The following ISX variants were observed in gnomAD, a reference collection of about 807,000 sequenced individuals.
The protein encoded by ISX is intestine specific homeobox.
A neutral mutation model predicts 16.9 loss-of-function variants in ISX; 15 were observed. The ratio of observed to expected loss-of-function variants is 0.89; its 90% CI spans 0.59 to 1.36. The LOEUF is 1.36. ISX is among the 40% of genes most tolerant of loss of function. ISX has a pLI of 0.00. For synonymous variants in ISX, 125 were observed against 119.7 expected (o/e 1.04, Z -0.29); for missense variants, 316 against 306.1 (o/e 1.03, Z -0.24).
At chr22:35,066,586 A>T (rs893401902) in intron 1 of ISX, 124 bp downstream of exon 1, 1 of 161,466 alleles carries the variant, frequency 6.2e-6, no homozygotes, top group Non-Finnish European at 1.4e-5. Flanking sequence ...GTGGCACTCC[A>T]ACCTCCTCCT....
intron 3 of ISX, among the ~76,000 whole-genome samples, chr22:35,083,059 A>G (rs756016418): frequency 7.9e-5 from 12 of 152,252 alleles, no homozygotes; most frequent in Non-Finnish European, 1.5e-4. Context: ...TTTGCAGGGT[A>G]TATCGTCAGT....
At chr22:35,067,712 A>G (rs555252318) in intron 2 of ISX, among the ~76,000 whole-genome samples, 6 of 152,324 alleles carry the variant, frequency 3.9e-5, no homozygotes, top group African/African-American at 1.2e-4. Context: ...AATGTCCCCA[A>G]GTTACACAGC....
intron 2 of ISX, among the ~76,000 whole-genome samples, chr22:35,068,038 G>A (rs911807877): frequency 2.0e-5 from 3 of 152,244 alleles, no homozygotes; most frequent in Non-Finnish European, 4.4e-5. Flanking sequence ...AGGAACCCAG[G>A]ATGTGAGTCT....
chr22:35,076,087 G>A (rs4821357), intron 2 of ISX, among the ~76,000 whole-genome samples: 63,217 of 150,086 alleles, frequency 0.42, 14,047 homozygotes, highest in Non-Finnish European at 0.51. Flanking sequence ...CTGAAATTTC[G>A]CACTCTTAAA....
At chr22:35,076,350 G>A (rs934224876) in intron 2 of ISX, among the ~76,000 whole-genome samples, 10 of 152,216 alleles carry the variant, frequency 6.6e-5, no homozygotes, top group Admixed American at 2.0e-4. Context: ...GAAAGCAGAT[G>A]ATGCTAGAAA....
chr22:35,077,787 C>T (rs1334454152), intron 2 of ISX, among the ~76,000 whole-genome samples: 1 of 152,174 alleles, frequency 6.6e-6, no homozygotes, highest in Non-Finnish European at 1.5e-5. Flanking sequence ...GAGTTTAGAT[C>T]CTTTCCTTCT....
At chr22:35,080,668 G>A (rs981636616) in intron 2 of ISX, among the ~76,000 whole-genome samples, 2 of 152,138 alleles carry the variant, frequency 1.3e-5, no homozygotes, top group African/African-American at 4.8e-5. Context: ...CCACTAGAGG[G>A]GTTTGATTCT....
At chr22:35,084,928 A>G (rs898199612) in intron 4 of ISX, among the ~76,000 whole-genome samples, 4 of 152,110 alleles carry the variant, frequency 2.6e-5, no homozygotes, top group Non-Finnish European at 5.9e-5. Context: ...AGGATGAAAT[A>G]ACTGAGATGT....
At chr22:35,076,100 A>T (rs913886681) in intron 2 of ISX, among the ~76,000 whole-genome samples, 3 of 42,328 alleles carry the variant, frequency 7.1e-5, no homozygotes, top group South Asian at 4.1e-4. Context: ...CTCTTAAATT[A>T]AAAAAAAAAA....
intron 3 of ISX, among the ~76,000 whole-genome samples, chr22:35,083,844 G>A (rs1283697242): frequency 1.3e-5 from 2 of 152,186 alleles, no homozygotes; most frequent in Non-Finnish European, 2.9e-5. Context: ...AAGGATAAAT[G>A]GCCACAAGTC....
At chr22:35,079,183 C>G (rs1379550075) in intron 2 of ISX, among the ~76,000 whole-genome samples, 1 of 152,184 alleles carries the variant, frequency 6.6e-6, no homozygotes, top group East Asian at 1.9e-4. Flanking sequence ...AGTGTCTACT[C>G]CAATTCTTAG....
chr22:35,073,970 G>A (rs1928919272), intron 2 of ISX, among the ~76,000 whole-genome samples: 1 of 152,200 alleles, frequency 6.6e-6, no homozygotes, highest in African/African-American at 2.4e-5. Flanking sequence ...AAAATGGAGA[G>A]GGACATGTAT....
At chr22:35,080,555 C>A (rs993550896) in intron 2 of ISX, among the ~76,000 whole-genome samples, 10 of 152,036 alleles carry the variant, frequency 6.6e-5, no homozygotes, top group Admixed American at 5.9e-4. Flanking sequence ...AAAATATATC[C>A]CATAATTAGC....
In ISX at chr22:35,082,466, C is replaced by T. The variant is rs1266450007; in HGVS notation, c.230-52C>T. 11 of 1,591,382 alleles carry T rather than the reference C, an allele frequency of 6.9e-6. No individual in the cohort carries two copies. In the East Asian group the frequency reaches 2.2e-4, roughly 32 times the overall value. On this transcript the variant is annotated intron_variant, in intron 2 of 4. Transcript: ENST00000404699. ...GGACAAGGCAACACAAAAACCCCAC[C>T]TAGGTGCTGACACCAAGGCCACTGA...
rs147940646 is a variant in ISX at position 35,086,017 on chromosome 22, C to A, written c.*324C>A. ...TCTAACTTGCTGTGTGACCTCCAGCCGGTCACTCACCCTCTCTGGACCTCA... is the reference window on the plus strand; with the variant it reads ...TCTAACTTGCTGTGTGACCTCCAGCAGGTCACTCACCCTCTCTGGACCTCA... On this transcript the variant is annotated 3_prime_UTR_variant, in exon 5 of 5. Transcript: ENST00000404699. 5.2e-5 allele frequency: 20 copies of A among 386,214 alleles called. 1 individual carries two copies. The highest frequency in any genetic ancestry group is 4.8e-4 in the South Asian group (20 of 41,880). 23.9% of individuals were successfully genotyped at this position (386,214 alleles called of 1,614,324 possible).
At chr22:35,068,954 C>G (rs144414402) in intron 2 of ISX, among the ~76,000 whole-genome samples, 1 of 152,300 alleles carries the variant, frequency 6.6e-6, no homozygotes, top group Non-Finnish European at 1.5e-5. Flanking sequence ...TGGCCTTAGA[C>G]CATCTACTCT....
intron 2 of ISX, among the ~76,000 whole-genome samples, chr22:35,073,353 C>T (rs190571584): frequency 7.2e-4 from 110 of 152,174 alleles, no homozygotes; most frequent in African/African-American, 2.3e-3. Context: ...TTTCCATGGA[C>T]GGTGGGTGGG....
chr22:35,080,891 C>T lies in ISX; in HGVS notation c.230-1627C>T, dbSNP rs1376400176. 2.0e-5 allele frequency among the ~76,000 whole-genome samples: 3 copies of T among 152,146 alleles called. No homozygotes were observed. The East Asian group carries it at 5.8e-4, about 29-fold the overall frequency. On this transcript the variant is annotated intron_variant, in intron 2 of 4. Transcript: ENST00000404699. ...CACCTCCCTCTGTTAGCACAGTGAC[C>T]ACCATGTATTCTAGGTCATGTGCAA... is the stretch of plus-strand genomic sequence containing the variant.
chr22:35,085,823 T>C lies in ISX; in HGVS notation c.*130T>C, dbSNP rs913736420. On this transcript the variant is annotated 3_prime_UTR_variant, in exon 5 of 5. Transcript: ENST00000404699. ...TGGCCCACAGCCCAGGAAGCTACCC[T>C]GAACATGCCAGTTGGAAGGCTGCAC... 2.6e-6 allele frequency: 3 copies of C among 1,147,040 alleles called. No homozygotes were observed. The highest frequency in any genetic ancestry group is 3.9e-5 in the Admixed American group (2 of 51,144). The allele number at this position is 1,147,040 out of a possible 1,614,324, so 71.1% of individuals were successfully genotyped here. A position where few individuals can be genotyped will look rare whatever the true frequency, so the allele number is the denominator to read the frequency against.
Sources: gnomAD v4.1 joint callset for allele counts (sites outside exome capture counted in the v4.1 genomes callset) on GRCh38, gnomAD v4.1.1 for gene constraint, MANE v1.5 for transcripts, NCBI Gene and HGNC (gene_info 2026-07-23, HGNC 2026-07-21) for gene names.